The following AGMO variants were observed in gnomAD, a reference collection of about 807,000 sequenced individuals.
AGMO encodes glyceryl-ether monooxygenase.
In AGMO, 75 loss-of-function variants were observed where a neutral mutation model predicts 60.2. That is an observed-to-expected ratio of 1.25 (90% CI 1.03 to 1.51). The LOEUF (loss-of-function observed/expected upper bound fraction) is 1.51. Ranked by LOEUF, AGMO falls within the 40% of genes most tolerant of loss-of-function variation. AGMO has a pLI of 0.00. For synonymous variants in AGMO, 261 were observed against 177.1 expected (o/e 1.47, Z -3.76); for missense variants, 763 against 525.5 (o/e 1.45, Z -4.42).
intron 3 of AGMO, among the ~76,000 whole-genome samples, chr7:15,463,997 T>C (rs1435564312): frequency 1.3e-5 from 2 of 152,216 alleles, no homozygotes; most frequent in East Asian, 1.9e-4. Flanking sequence ...TAATTTGGCA[T>C]ACTGAATCAT....
At chr7:15,380,038 C>T (rs1001879294) in intron 10 of AGMO, among the ~76,000 whole-genome samples, 4 of 152,198 alleles carry the variant, frequency 2.6e-5, no homozygotes, top group East Asian at 1.9e-4. Context: ...ATAAGACAAA[C>T]GCACAGCTAA....
intron 3 of AGMO, among the ~76,000 whole-genome samples, chr7:15,472,818 C>T (rs540943565): frequency 6.6e-6 from 1 of 151,804 alleles, no homozygotes; most frequent in Non-Finnish European, 1.5e-5. Flanking sequence ...TGAATTTACT[C>T]TTTTCTGAAT....
At chr7:15,406,644 TA>T (rs1784704787) in intron 5 of AGMO, among the ~76,000 whole-genome samples, 1 of 53,372 alleles carries the variant, frequency 1.9e-5, no homozygotes, top group Non-Finnish European at 3.6e-5. Flanking sequence ...TGAATATACA[TA>T]TATATGTGTA....
chr7:15,221,504 T>C (rs1378948597), intron 12 of AGMO, among the ~76,000 whole-genome samples: 2 of 152,134 alleles, frequency 1.3e-5, no homozygotes, highest in East Asian at 1.9e-4. Flanking sequence ...GTGGTGACTA[T>C]AGACGTAATC....
In AGMO at chr7:15,362,171, G is replaced by A. The variant is rs77916258; in HGVS notation, c.1263+3343C>T. On this transcript the variant is annotated intron_variant, in intron 12 of 12. Coordinates refer to ENST00000342526, the MANE Select transcript of AGMO (RefSeq NM_001004320.2). ...AAAGAACAGTTTTATTAAAACTCAG[G>A]TAAATGGCAAAGATTTACATAAAGT... Among the ~76,000 whole-genome samples, 2,074 of 152,062 alleles carry A rather than the reference G, an allele frequency of 0.014. 135 individuals are homozygous for A. The East Asian group carries it at 0.23, about 17-fold the overall frequency.
intron 5 of AGMO, among the ~76,000 whole-genome samples, chr7:15,394,416 C>T (rs977420896): frequency 2.0e-5 from 3 of 152,124 alleles, no homozygotes; most frequent in Non-Finnish European, 2.9e-5. Flanking sequence ...AAGAGCTAGA[C>T]GACTTTCAGT....
intron 10 of AGMO, among the ~76,000 whole-genome samples, chr7:15,370,468 A>G (rs567377352): frequency 6.6e-6 from 1 of 152,266 alleles, no homozygotes; most frequent in South Asian, 2.1e-4. Flanking sequence ...AAATTTCCAA[A>G]CTGCTTTCCA....
the AGMO span, among the ~76,000 whole-genome samples, chr7:15,142,333 G>GA: frequency 6.6e-6 from 1 of 152,076 alleles, no homozygotes; most frequent in Non-Finnish European, 1.5e-5. Context: ...ATGGCCTGGA[G>GA]AAAGAAGCAA....
intron 12 of AGMO, among the ~76,000 whole-genome samples, chr7:15,353,406 T>C (rs538309857): frequency 6.6e-6 from 1 of 152,274 alleles, no homozygotes; most frequent in Admixed American, 6.5e-5. Context: ...TATAACTCAC[T>C]CAAAATTCCT....
the AGMO span, among the ~76,000 whole-genome samples, chr7:15,136,910 T>C: frequency 1.3e-5 from 2 of 152,162 alleles, no homozygotes; most frequent in African/African-American, 4.8e-5. Flanking sequence ...TTCCCTACAC[T>C]GAAATTCTAG....
chr7:15,280,947 C>G (rs1315682144), intron 12 of AGMO, among the ~76,000 whole-genome samples: 1 of 152,194 alleles, frequency 6.6e-6, no homozygotes, highest in Admixed American at 6.5e-5. Flanking sequence ...TAGGTCACAT[C>G]ACTGGATTTC....
At chr7:15,336,996 G>A (rs1264339555) in intron 12 of AGMO, among the ~76,000 whole-genome samples, 1 of 152,132 alleles carries the variant, frequency 6.6e-6, no homozygotes, top group African/African-American at 2.4e-5. Context: ...TGCCCTCCCT[G>A]GGGGCACTCA....
At chr7:15,393,155 G>A (rs1784219845) in intron 6 of AGMO, among the ~76,000 whole-genome samples, 1 of 152,180 alleles carries the variant, frequency 6.6e-6, no homozygotes, top group Admixed American at 6.5e-5. Flanking sequence ...TGTTGAGTTT[G>A]GAAGAGGAAA....
the AGMO span, among the ~76,000 whole-genome samples, chr7:15,175,617 T>C: frequency 0.019 from 2,152 of 116,166 alleles, 60 homozygotes; most frequent in African/African-American, 0.089. Flanking sequence ...ATTCAACAGA[T>C]GATTTTATGT....
At chr7:15,342,172 TAAAA>T (rs775057626) in intron 12 of AGMO, among the ~76,000 whole-genome samples, 54 of 54,304 alleles carry the variant, frequency 9.9e-4, no homozygotes, top group African/African-American at 4.0e-3. Flanking sequence ...CCCACAGAGT[TAAAA>T]AAAAAAAAAA....
chr7:15,166,240 A>ATG, the AGMO span, among the ~76,000 whole-genome samples: 22 of 151,438 alleles, frequency 1.5e-4, 1 homozygote, highest in Non-Finnish European at 2.4e-4. Flanking sequence ...TATTAAGGGG[A>ATG]ATCACCAGAA....
the AGMO span, among the ~76,000 whole-genome samples, chr7:15,144,497 G>T: frequency 6.6e-6 from 1 of 152,162 alleles, no homozygotes; most frequent in Non-Finnish European, 1.5e-5. Context: ...GTCAAAAAAG[G>T]TGTGTGAAGA....
chr7:15,348,512 C>A (rs562985539), intron 12 of AGMO, among the ~76,000 whole-genome samples: 1 of 151,924 alleles, frequency 6.6e-6, no homozygotes, highest in African/African-American at 2.4e-5. Context: ...AAATTAAATG[C>A]CTTGGAATAT....
intron 3 of AGMO, among the ~76,000 whole-genome samples, chr7:15,517,446 G>C (rs1583636407): frequency 6.6e-6 from 1 of 151,182 alleles, no homozygotes; most frequent in South Asian, 2.1e-4. Flanking sequence ...GGTGATTTCT[G>C]CATTTCTAAC....
Sources: gnomAD v4.1 joint callset for allele counts (sites outside exome capture counted in the v4.1 genomes callset) on GRCh38, gnomAD v4.1.1 for gene constraint, MANE v1.5 for transcripts, NCBI Gene and HGNC (gene_info 2026-07-23, HGNC 2026-07-21) for gene names.